The following CSMD2 variants were observed in gnomAD, a reference collection of about 807,000 sequenced individuals.
CSMD2 encodes the protein CUB and Sushi multiple domains 2.
A neutral mutation model predicts 398.5 loss-of-function variants in CSMD2; 130 were observed. That is an observed-to-expected ratio of 0.33 (90% confidence interval 0.28 to 0.38). The LOEUF is 0.38. Ranked by LOEUF, CSMD2 falls within the 10% of genes least tolerant of loss-of-function variation. The pLI, the probability that CSMD2 is intolerant of heterozygous loss-of-function variation, is 1.00. For synonymous variants in CSMD2, 1,828 were observed against 1,908.5 expected (o/e 0.96, Z 1.10); for missense variants, 3,829 against 4,764.9 (o/e 0.80, Z 5.78).
At chr1:33,764,105 G>A (rs1650183076) in intron 13 of CSMD2, among the ~76,000 whole-genome samples, 3 of 152,078 alleles carry the variant, frequency 2.0e-5, no homozygotes, top group Admixed American at 2.0e-4. Flanking sequence ...TAAAGTATCT[G>A]CCTATTTGAA....
intron 28 of CSMD2, 106 bp from the exon 29 acceptor site, chr1:33,646,941 A>AC: frequency 9.0e-7 from 1 of 1,115,600 alleles, no homozygotes; most frequent in South Asian, 1.6e-5. Context: ...GAGCAAGCCC[A>AC]CCATCCCACT....
At chr1:33,742,963 T>C (rs1244148100) in intron 14 of CSMD2, among the ~76,000 whole-genome samples, 1 of 152,136 alleles carries the variant, frequency 6.6e-6, no homozygotes, top group Non-Finnish European at 1.5e-5. Flanking sequence ...CCTCCCTAGT[T>C]CTGGTTGGGT....
At chr1:33,543,828 G>T (rs1369091610) in intron 57 of CSMD2, among the ~76,000 whole-genome samples, 1 of 152,130 alleles carries the variant, frequency 6.6e-6, no homozygotes, top group African/African-American at 2.4e-5. Context: ...TTTGTGTGTG[G>T]TTTTTATTTT....
At chr1:33,911,936 C>T (rs978044203) in intron 5 of CSMD2, among the ~76,000 whole-genome samples, 4 of 152,194 alleles carry the variant, frequency 2.6e-5, no homozygotes, top group Non-Finnish European at 5.9e-5. Flanking sequence ...CACACTTTGG[C>T]CAGGAGGACT....
intron 29 of CSMD2, among the ~76,000 whole-genome samples, chr1:33,638,644 C>A (rs1260269328): frequency 6.6e-6 from 1 of 152,232 alleles, no homozygotes; most frequent in African/African-American, 2.4e-5. Context: ...ACATGTGGCC[C>A]CAATAGTCCC....
intron 1 of CSMD2, among the ~76,000 whole-genome samples, chr1:34,158,663 C>T (rs571811946): frequency 5.5e-4 from 83 of 152,212 alleles, no homozygotes; most frequent in African/African-American, 1.9e-3. Flanking sequence ...GCAAGTAGAC[C>T]GTAGTTGTAG....
intron 6 of CSMD2, among the ~76,000 whole-genome samples, chr1:33,831,559 G>T (rs1401995741): frequency 4.0e-5 from 6 of 151,842 alleles, no homozygotes; most frequent in Non-Finnish European, 2.9e-5. Flanking sequence ...GCAAAATCAT[G>T]CCAAAATGTA....
chr1:33,983,344 T>TG (rs1329604754), intron 3 of CSMD2, among the ~76,000 whole-genome samples: 1 of 152,238 alleles, frequency 6.6e-6, no homozygotes, highest in Non-Finnish European at 1.5e-5. Context: ...CTCCCCTCCT[T>TG]GCCACCTATC....
intron 3 of CSMD2, among the ~76,000 whole-genome samples, chr1:33,984,244 C>A (rs1264637239): frequency 1.3e-5 from 2 of 152,052 alleles, no homozygotes; most frequent in Non-Finnish European, 2.9e-5. Flanking sequence ...GCCAGGGAAT[C>A]TGCATTTTGA....
intron 5 of CSMD2, among the ~76,000 whole-genome samples, chr1:33,904,314 G>C (rs958087065): frequency 1.3e-5 from 2 of 152,192 alleles, no homozygotes; most frequent in African/African-American, 2.4e-5. Flanking sequence ...AGAAGGCTAA[G>C]AGAACAGATT....
intron 13 of CSMD2, among the ~76,000 whole-genome samples, chr1:33,765,079 C>A (rs570546143): frequency 4.6e-5 from 7 of 152,102 alleles, no homozygotes; most frequent in African/African-American, 1.7e-4. Flanking sequence ...CGGAAGTAGG[C>A]GAACAAAAAC....
Position 33,717,025 on chromosome 1 carries a change from C to T in CSMD2, c.3002-524G>A, listed in dbSNP as rs536584881. On this transcript the variant is annotated intron_variant, in intron 19 of 70. Coordinates refer to ENST00000373381, the MANE Select transcript of CSMD2 (RefSeq NM_001281956.2). Reference sequence around the variant, plus strand: ...AGAGGCAGGTGGAGGATGGCTTCACCAAGGAGTAAACAATTGACATGGATC... The same window carrying T: ...AGAGGCAGGTGGAGGATGGCTTCACTAAGGAGTAAACAATTGACATGGATC... Among the ~76,000 whole-genome samples, 18 of 152,164 alleles carry T rather than the reference C, an allele frequency of 1.2e-4. No homozygotes were observed. The South Asian group carries it at 3.7e-3, about 32-fold the overall frequency.
intron 5 of CSMD2, chr1:33,878,154 TTC>T (rs1365237711): frequency 6.6e-6 from 1 of 152,234 alleles, no homozygotes; most frequent in African/African-American, 2.4e-5. Flanking sequence ...GTTCAGCAAA[TTC>T]TCTGATTCCT....
At chr1:33,973,795 AG>A (rs1645859159) in intron 3 of CSMD2, among the ~76,000 whole-genome samples, 2 of 152,166 alleles carry the variant, frequency 1.3e-5, no homozygotes, top group African/African-American at 4.8e-5. Flanking sequence ...ACTGAGGAGA[AG>A]GTGCCTTCTA....
chr1:34,150,315 C>T (rs1447459699), intron 1 of CSMD2, among the ~76,000 whole-genome samples: 2 of 152,030 alleles, frequency 1.3e-5, no homozygotes, highest in Non-Finnish European at 2.9e-5. Context: ...GAACTACTGG[C>T]CTCAAGCAAG....
intron 12 of CSMD2, among the ~76,000 whole-genome samples, chr1:33,775,118 G>A (rs1289124038): frequency 6.6e-6 from 1 of 152,162 alleles, no homozygotes; most frequent in African/African-American, 2.4e-5. Flanking sequence ...TTCAAGGGGC[G>A]CCAAAATCTC....
At chr1:34,149,257 G>C (rs949200664) in intron 1 of CSMD2, among the ~76,000 whole-genome samples, 1 of 152,222 alleles carries the variant, frequency 6.6e-6, no homozygotes, top group Non-Finnish European at 1.5e-5. Flanking sequence ...CTTCTACCCT[G>C]CCTGCTCCCC....
intron 5 of CSMD2, among the ~76,000 whole-genome samples, chr1:33,847,887 A>G (rs1638392179): frequency 1.3e-5 from 2 of 152,202 alleles, no homozygotes; most frequent in Admixed American, 6.5e-5. Context: ...AGAAGATCTC[A>G]GCACAGTCCC....
intron 29 of CSMD2, among the ~76,000 whole-genome samples, chr1:33,645,998 G>A (rs940835693): frequency 6.6e-6 from 1 of 152,234 alleles, no homozygotes; most frequent in African/African-American, 2.4e-5. Flanking sequence ...AGTTGTGATA[G>A]GTAAACCTAC....
Sources: allele counts gnomAD v4.1 joint callset (sites outside exome capture counted in the v4.1 genomes callset), GRCh38; gene constraint gnomAD v4.1.1; transcripts MANE v1.5; gene names NCBI Gene and HGNC (gene_info 2026-07-23, HGNC 2026-07-21).